Variants in IMMP2L observed in about 807,000 individuals in gnomAD.
IMMP2L encodes the protein inner mitochondrial membrane peptidase subunit 2.
IMMP2L carries 18 observed loss-of-function variants against 19.3 expected under a neutral mutation model. The ratio of observed to expected loss-of-function variants is 0.93; its 90% CI spans 0.64 to 1.38. The LOEUF (loss-of-function observed/expected upper bound fraction) is 1.38, where lower values mean the gene tolerates loss of function less well. Among genes scored for constraint, IMMP2L ranks in the 40% most tolerant of loss-of-function variants. The pLI is 0.00. For synonymous variants in IMMP2L, 76 were observed against 73.0 expected, an observed-to-expected ratio of 1.04 and a Z score of -0.21; for missense variants, 233 against 218.2, an observed-to-expected ratio of 1.07 and a Z score of -0.43.
At chr7:111,517,492 CT>C (rs1845972231) in intron 2 of IMMP2L, among the ~76,000 whole-genome samples, 1 of 150,820 alleles carries the variant, frequency 6.6e-6, no homozygotes, top group South Asian at 2.1e-4. Flanking sequence ...ATTTTACTTA[CT>C]TTTTAAAGTC....
At chr7:110,695,078 A>C (rs1324393247) in intron 5 of IMMP2L, among the ~76,000 whole-genome samples, 2 of 152,124 alleles carry the variant, frequency 1.3e-5, no homozygotes, top group Non-Finnish European at 2.9e-5. Context: ...AATGGGGAGT[A>C]ATTTGTTAAC....
At chr7:110,989,819 C>T (rs1052244343) in intron 3 of IMMP2L, among the ~76,000 whole-genome samples, 13 of 151,630 alleles carry the variant, frequency 8.6e-5, no homozygotes, top group African/African-American at 3.1e-4. Flanking sequence ...TTAGAAAAAA[C>T]CTTTTAAAAG....
rs542674760 is a variant in IMMP2L at position 111,543,300 on chromosome 7, G to C, written c.-3+18551C>G. Reference sequence around the variant, plus strand: ...TATTAAAACATTCATAACCATATTAGTGTGCTCTCCGTTTCAAATACAAAG... The same window carrying C: ...TATTAAAACATTCATAACCATATTACTGTGCTCTCCGTTTCAAATACAAAG... On this transcript the variant is annotated intron_variant, in intron 1 of 5. Coordinates refer to ENST00000405709, the MANE Select transcript of IMMP2L (RefSeq NM_032549.4). 2.6e-5 allele frequency among the ~76,000 whole-genome samples: 4 copies of C among 152,160 alleles called. No homozygotes were observed. The East Asian group carries it at 7.7e-4, about 29-fold the overall frequency.
At chr7:110,821,255 G>C (rs896252068) in intron 5 of IMMP2L, among the ~76,000 whole-genome samples, 7 of 152,032 alleles carry the variant, frequency 4.6e-5, no homozygotes, top group Non-Finnish European at 1.5e-5. Flanking sequence ...GCTGATATTA[G>C]AATCTAGGCA....
intron 5 of IMMP2L, among the ~76,000 whole-genome samples, chr7:110,857,423 A>T (rs141872474): frequency 6.6e-6 from 1 of 152,104 alleles, no homozygotes; most frequent in East Asian, 1.9e-4. Flanking sequence ...GTATATTATT[A>T]AACTATTCTA....
chr7:111,255,737 C>G (rs767018456), intron 3 of IMMP2L, among the ~76,000 whole-genome samples: 6 of 152,034 alleles, frequency 3.9e-5, no homozygotes, highest in Non-Finnish European at 8.8e-5. Flanking sequence ...GAGGTCTACT[C>G]TTTCCAAATC....
chr7:111,039,791 C>T (rs1791713424), intron 3 of IMMP2L, among the ~76,000 whole-genome samples: 1 of 152,208 alleles, frequency 6.6e-6, no homozygotes, highest in Admixed American at 6.5e-5. Flanking sequence ...GAAATATCTT[C>T]TCATCTTCCT....
rs1563331514 is a variant in IMMP2L, at chr7:111,539,262, GAAA to G, written c.-2-17816_-2-17814del. ...AGAAAGAAAGAAAGAAAGAAAGAAA[GAAA>G]GAAAGAGAACATACGTCGATTACTA... On this transcript the variant is annotated intron_variant, in intron 1 of 5. Coordinates refer to ENST00000405709, the MANE Select transcript of IMMP2L (RefSeq NM_032549.4). 2.0e-3 allele frequency among the ~76,000 whole-genome samples: 278 copies of G among 141,432 alleles called. 4 individuals carry two copies. The highest frequency in any genetic ancestry group is 2.3e-3 in the African/African-American group (89 of 37,948). 92.8% of individuals were successfully genotyped at this position (141,432 alleles called of 152,430 possible). A position where few individuals can be genotyped will look rare whatever the true frequency, so the allele number is the denominator to read the frequency against.
intron 3 of IMMP2L, among the ~76,000 whole-genome samples, chr7:111,280,868 G>C (rs1316977056): frequency 6.6e-6 from 1 of 151,960 alleles, no homozygotes; most frequent in Non-Finnish European, 1.5e-5. Flanking sequence ...AGGAGATCGA[G>C]ACCATCCTGT....
intron 3 of IMMP2L, among the ~76,000 whole-genome samples, chr7:111,405,078 A>G (rs1833798675): frequency 6.6e-6 from 1 of 152,112 alleles, no homozygotes; most frequent in Non-Finnish European, 1.5e-5. Flanking sequence ...TATCTTTCTG[A>G]GCTAAGACAT....
chr7:111,082,097 T>C (rs1795933410), intron 3 of IMMP2L, among the ~76,000 whole-genome samples: 1 of 152,162 alleles, frequency 6.6e-6, no homozygotes, highest in South Asian at 2.1e-4. Context: ...CAGTAACCAT[T>C]TGGAGGCTAC....
intron 3 of IMMP2L, among the ~76,000 whole-genome samples, chr7:111,348,618 T>C (rs1408940233): frequency 6.6e-6 from 1 of 152,112 alleles, no homozygotes; most frequent in East Asian, 1.9e-4. Flanking sequence ...TTAACATGAG[T>C]CTGCCCTACG....
chr7:111,311,446 T>A (rs1823505763), intron 3 of IMMP2L, among the ~76,000 whole-genome samples: 1 of 152,132 alleles, frequency 6.6e-6, no homozygotes. Context: ...TAGTGTCAAG[T>A]AAGAGCCATG....
intron 5 of IMMP2L, among the ~76,000 whole-genome samples, chr7:110,842,608 A>C (rs1352842439): frequency 1.3e-5 from 2 of 152,186 alleles, no homozygotes; most frequent in African/African-American, 4.8e-5. Flanking sequence ...AGATTGTGAG[A>C]GGTCAGGAAG....
At chr7:111,170,918 TAAAAC>T in intron 3 of IMMP2L, among the ~76,000 whole-genome samples, 1 of 151,868 alleles carries the variant, frequency 6.6e-6, no homozygotes, top group East Asian at 1.9e-4. Flanking sequence ...GAAAGATTCT[TAAAAC>T]AGAAATATGA....
At chr7:110,815,061 C>G (rs902472956) in intron 5 of IMMP2L, among the ~76,000 whole-genome samples, 1 of 151,986 alleles carries the variant, frequency 6.6e-6, no homozygotes, top group African/African-American at 2.4e-5. Context: ...TAAATAAGTT[C>G]TTCCAGTTTT....
At chr7:111,417,854 T>C (rs534344648) in intron 3 of IMMP2L, among the ~76,000 whole-genome samples, 15 of 151,956 alleles carry the variant, frequency 9.9e-5, no homozygotes, top group Non-Finnish European at 1.5e-4. Context: ...CACAATGAAA[T>C]AGAACTTTTC....
chr7:111,310,437 T>G (rs1182144497), intron 3 of IMMP2L, among the ~76,000 whole-genome samples: 2 of 152,096 alleles, frequency 1.3e-5, no homozygotes, highest in Non-Finnish European at 2.9e-5. Context: ...TTAACTTTTA[T>G]GTTAAAGTTT....
At chr7:111,395,340 T>G (rs1210817892) in intron 3 of IMMP2L, among the ~76,000 whole-genome samples, 8 of 152,232 alleles carry the variant, frequency 5.3e-5, no homozygotes, top group Non-Finnish European at 1.2e-4. Flanking sequence ...CTAAAATGTA[T>G]TTCTACCATA....
Sources: gnomAD v4.1 joint callset for allele counts (sites outside exome capture counted in the v4.1 genomes callset) on GRCh38, gnomAD v4.1.1 for gene constraint, MANE v1.5 for transcripts, NCBI Gene and HGNC (gene_info 2026-07-23, HGNC 2026-07-21) for gene names.